Variants in ELAVL1 observed in about 807,000 individuals in gnomAD.
ELAVL1 encodes the protein ELAV-like protein 1.
Under a neutral mutation model 28.4 loss-of-function variants are expected in ELAVL1, and 1 was observed. The ratio of observed to expected loss-of-function variants is 0.04; its 90% confidence interval spans 0.01 to 0.17. The LOEUF is 0.17. Ranked by LOEUF, ELAVL1 falls within the 10% of genes least tolerant of loss-of-function variation. ELAVL1 has a pLI of 1.00. For synonymous variants in ELAVL1, 174 were observed against 183.5 expected (o/e 0.95, Z 0.42); for missense variants, 157 against 447.2 (o/e 0.35, Z 5.85).
chr19:7,985,597 G>C (rs373364192), intron 2 of ELAVL1, among the ~76,000 whole-genome samples: 29 of 152,346 alleles, frequency 1.9e-4, no homozygotes, highest in African/African-American at 6.5e-4. Flanking sequence ...AGGAGGACAG[G>C]GAGCCAAGCT....
Position 7,960,681 on chromosome 19 carries a change from T to C in ELAVL1, c.*2802A>G, listed in dbSNP as rs959432468. 1 of 152,626 alleles carries C rather than the reference T, an allele frequency of 6.6e-6. No homozygotes were observed. The highest frequency in any genetic ancestry group is 1.5e-5 in the Non-Finnish European group (1 of 68,034). 9.5% of individuals were successfully genotyped at this position (152,626 alleles called of 1,614,324 possible). ...CCTCTTTGGTATTTCCCAAACCAGA[T>C]TTTTGATAAATGAACATTATCTACT... On this transcript the variant is annotated 3_prime_UTR_variant, in exon 6 of 6. Transcript: ENST00000407627.
chr19:8,004,849 C>T (rs1286782917), intron 1 of ELAVL1, among the ~76,000 whole-genome samples: 1 of 152,202 alleles, frequency 6.6e-6, no homozygotes, highest in Non-Finnish European at 1.5e-5. Flanking sequence ...GGCATCCATC[C>T]CCCATTGTTC....
At chr19:7,972,880 C>T (rs1017635061) in intron 4 of ELAVL1, 7 of 133,030 alleles carry the variant, frequency 5.3e-5, no homozygotes, top group African/African-American at 1.7e-4. Flanking sequence ...GGCGCAATCT[C>T]GGCTTGCTGC....
chr19:7,964,268 C>G (rs1468153955), intron 5 of ELAVL1, among the ~76,000 whole-genome samples: 2 of 152,120 alleles, frequency 1.3e-5, no homozygotes, highest in Non-Finnish European at 2.9e-5. Flanking sequence ...TTATCATGAC[C>G]CGCCCCCAAG....
chr19:7,973,556 TA>T, intron 4 of ELAVL1, 168 bp downstream of exon 4: 1 of 813,090 alleles, frequency 1.2e-6, no homozygotes, highest in Non-Finnish European at 1.9e-6. Flanking sequence ...AATGCCATCT[TA>T]CCTCCTCAGC....
At chr19:7,973,978 T>C in intron 3 of ELAVL1, 100 bp from the exon 4 acceptor site, 5 of 1,437,918 alleles carry the variant, frequency 3.5e-6, no homozygotes, top group Non-Finnish European at 2.9e-6. Flanking sequence ...CACTGTGTGT[T>C]AGAAATCATG....
At chr19:7,971,659 G>A (rs751767261) in intron 4 of ELAVL1, among the ~76,000 whole-genome samples, 56 of 152,364 alleles carry the variant, frequency 3.7e-4, no homozygotes, top group Admixed American at 6.5e-4. Context: ...GCGGCCGTGC[G>A]AGTGAGCCCT....
intron 1 of ELAVL1, among the ~76,000 whole-genome samples, chr19:8,001,648 T>TTA (rs1555713707): frequency 7.3e-5 from 11 of 151,602 alleles, no homozygotes; most frequent in South Asian, 4.2e-4. Context: ...TTTTTTTTTT[T>TTA]AGAGATGGGA....
intron 1 of ELAVL1, among the ~76,000 whole-genome samples, chr19:8,003,355 C>CAAAAAAAAAAAAAAAAAA (rs71165248): frequency 3.3e-5 from 2 of 61,094 alleles, no homozygotes; most frequent in African/African-American, 7.2e-5. Flanking sequence ...GAAACTGTCT[C>CAAAAAAAAAAAAAAAAAA]AAAAAAAAAA....
At chr19:7,985,815 G>C (rs1220539537) in intron 2 of ELAVL1, among the ~76,000 whole-genome samples, 1 of 152,186 alleles carries the variant, frequency 6.6e-6, no homozygotes, top group African/African-American at 2.4e-5. Flanking sequence ...GTGCATGCCC[G>C]GCTCTCACTT....
Position 7,991,943 on chromosome 19 carries a change from T to G in ELAVL1, c.-16-112A>C, listed in dbSNP as rs567934079. 3.8e-3 allele frequency: 3,965 copies of G among 1,044,108 alleles called. 23 individuals are homozygous for G. Among genetic ancestry groups the G allele is most frequent in the Non-Finnish European group, 4.7e-3 (3,604 of 765,780 alleles). 64.7% of individuals were successfully genotyped at this position (1,044,108 alleles called of 1,614,324 possible). ...GATTTTCTTTCTTTCTTTTTTTTTT[T>G]TTTTGTTTTGTTTTTGAGACAGAGT... is the stretch of plus-strand genomic sequence containing the variant. On this transcript the variant is annotated intron_variant, in intron 1 of 5. Coordinates refer to ENST00000407627, the MANE Select transcript of ELAVL1 (RefSeq NM_001419.3).
chr19:7,987,914 C>T (rs907066367), intron 2 of ELAVL1, among the ~76,000 whole-genome samples: 2 of 152,310 alleles, frequency 1.3e-5, no homozygotes, highest in East Asian at 1.9e-4. Flanking sequence ...TAAGCAAACA[C>T]GACCAGGACC....
rs1335145467 is a variant in ELAVL1 at position 7,981,471 on chromosome 19, C to G, written c.173-285G>C. 2.6e-5 allele frequency among the ~76,000 whole-genome samples: 4 copies of G among 151,908 alleles called. No individual in the cohort carries two copies. Among genetic ancestry groups the G allele is most frequent in the Non-Finnish European group, 5.9e-5 (4 of 68,004 alleles). ...TTCTTGGGCTCAAGACAGCCTCCCA[C>G]CTCAGCCTCCAGAGTATCTGGGACT... On this transcript the variant is annotated intron_variant, in intron 2 of 5. Coordinates refer to ENST00000407627, the MANE Select transcript of ELAVL1 (RefSeq NM_001419.3). The surrounding 1 kb of genome is among the most constrained non-coding windows in gnomAD (Gnocchi z 4.2).
intron 4 of ELAVL1, among the ~76,000 whole-genome samples, chr19:7,969,060 C>T (rs184010569): frequency 6.6e-6 from 1 of 152,334 alleles, no homozygotes; most frequent in African/African-American, 2.4e-5. Context: ...CCAACCCAAA[C>T]ACCCTGGTTC....
At chr19:7,970,495 G>A (rs1379446182) in intron 4 of ELAVL1, among the ~76,000 whole-genome samples, 1 of 151,988 alleles carries the variant, frequency 6.6e-6, no homozygotes, top group Non-Finnish European at 1.5e-5. Context: ...TGGCCAGGCA[G>A]GTCTCGAACT....
rs1028035593 is a variant in ELAVL1 at position 7,962,892 on chromosome 19, G to A, written c.*591C>T. ...GCCCAGCATGCAGCCCGTGGCCCCC[G>A]GCCCCAGTGGTGGCCCACGCTGGAC... On this transcript the variant is annotated 3_prime_UTR_variant, in exon 6 of 6. Transcript: ENST00000407627. The A allele has an allele frequency of 1.3e-5, 2 of 152,760 alleles. No individual in the cohort carries two copies. Among genetic ancestry groups the A allele is most frequent in the African/African-American group, 4.8e-5 (2 of 41,454 alleles). 9.5% of individuals were successfully genotyped at this position (152,760 alleles called of 1,614,324 possible). A position where few individuals can be genotyped will look rare whatever the true frequency, so the allele number is the denominator to read the frequency against.
Position 7,997,181 on chromosome 19 carries a change from C to T in ELAVL1, c.-16-5350G>A, listed in dbSNP as rs2081052473. Among the ~76,000 whole-genome samples the T allele has an allele frequency of 2.6e-5, 4 of 152,154 alleles. No individual in the cohort carries two copies. In the South Asian group the frequency reaches 8.3e-4, roughly 32 times the overall value. ...AATATACACTTAGCATGGGATCCAGCAATCCTACTCCTAGTATTAAGGCAA... is the reference window on the plus strand; with the variant it reads ...AATATACACTTAGCATGGGATCCAGTAATCCTACTCCTAGTATTAAGGCAA... On this transcript the variant is annotated intron_variant, in intron 1 of 5. Transcript: ENST00000407627.
intron 1 of ELAVL1, among the ~76,000 whole-genome samples, chr19:7,998,527 C>T (rs1171022829): frequency 1.3e-5 from 2 of 152,208 alleles, no homozygotes; most frequent in African/African-American, 4.8e-5. Flanking sequence ...CAGCCTCAGT[C>T]GCCACCCTCC....
chr19:7,976,128 C>T (rs900838721), intron 3 of ELAVL1, among the ~76,000 whole-genome samples: 11 of 148,638 alleles, frequency 7.4e-5, no homozygotes, highest in African/African-American at 2.5e-4. Flanking sequence ...TTTGGCTGGG[C>T]GCAGTGGCTC....
Sources: allele counts gnomAD v4.1 joint callset (sites outside exome capture counted in the v4.1 genomes callset), GRCh38; gene constraint gnomAD v4.1.1; non-coding constraint Gnocchi (gnomAD v3.1); transcripts MANE v1.5; gene names NCBI Gene and HGNC (gene_info 2026-07-23, HGNC 2026-07-21).